LGR6: variants seen among roughly 807,000 people sequenced by gnomAD.
The protein encoded by LGR6 is leucine-rich repeat-containing G protein-coupled receptor 6.
In LGR6, 45 loss-of-function variants were observed where a neutral mutation model predicts 69.4. The observed-to-expected ratio is 0.65, with a 90% CI of 0.51 to 0.83. The LOEUF is 0.83. Ranked by LOEUF, LGR6 falls within the 40% of genes least tolerant of loss-of-function variation. The pLI, the probability that LGR6 is intolerant of heterozygous loss-of-function variation, is 0.00. For missense variants in LGR6, 1,108 were observed against 1,246.7 expected (o/e 0.89, Z 1.68); for synonymous variants, 538 against 555.0 (o/e 0.97, Z 0.43).
intron 6 of LGR6, among the ~76,000 whole-genome samples, chr1:202,288,282 A>G (rs767399070): frequency 2.6e-5 from 4 of 151,398 alleles, no homozygotes; most frequent in Non-Finnish European, 5.9e-5. Context: ...CATTCCCAGC[A>G]CTCTCCATTT....
chr1:202,301,028 A>G (rs1667548645), intron 8 of LGR6, 108 bp downstream of exon 8: 1 of 1,291,300 alleles, frequency 7.7e-7, no homozygotes, highest in Non-Finnish European at 1.1e-6. Context: ...GGGAGGCAGA[A>G]GTATGGGAGG....
intron 1 of LGR6, among the ~76,000 whole-genome samples, chr1:202,199,506 C>T (rs1045690800): frequency 3.9e-5 from 6 of 152,168 alleles, no homozygotes; most frequent in Non-Finnish European, 8.8e-5. Flanking sequence ...GGGGCGCGGC[C>T]GGGTGGGGCG....
intron 4 of LGR6, among the ~76,000 whole-genome samples, chr1:202,248,698 G>C (rs1471690028): frequency 1.3e-5 from 2 of 152,218 alleles, no homozygotes; most frequent in Non-Finnish European, 2.9e-5. Flanking sequence ...GGCCCTGGCA[G>C]CCCACAGAGA....
intron 1 of LGR6, among the ~76,000 whole-genome samples, chr1:202,217,470 A>AT (rs201200910): frequency 6.6e-6 from 1 of 150,836 alleles, no homozygotes; most frequent in Non-Finnish European, 1.5e-5. Flanking sequence ...AAAAACAAAA[A>AT]ACCCCACCTT....
intron 11 of LGR6, 25 bp from the exon 12 acceptor site, chr1:202,305,659 G>T (rs370111685): frequency 3.1e-6 from 5 of 1,609,668 alleles, no homozygotes; most frequent in Admixed American, 3.3e-5. Context: ...TTTCACCCCA[G>T]CCCTGGCCTT....
At chr1:202,282,751 A>C (rs1008648356) in intron 6 of LGR6, among the ~76,000 whole-genome samples, 2 of 152,222 alleles carry the variant, frequency 1.3e-5, no homozygotes, top group Non-Finnish European at 2.9e-5. Flanking sequence ...CACACTGCCT[A>C]ATTCTTTCTC....
rs1195600842 is a variant in LGR6 at position 202,194,167 on chromosome 1, G to C, written c.178G>C (p.Val60Leu). ...CTGCTCTGAGCTCGGGCTGTCCGCC[G>C]TTCCGGGGGACCTGGACCCCCTGAC... ...ADCSELGLSAVPGDLDPLTAY... is the reference protein window; with the variant it reads ...ADCSELGLSALPGDLDPLTAY... Residue 60 changes from valine (V) to leucine (L), a missense_variant, in exon 1 of 18, where the codon GTT (valine) becomes CTT (leucine). Coordinates refer to ENST00000367278, the MANE Select transcript of LGR6 (RefSeq NM_001017403.2). 1 of 1,569,648 alleles carries C rather than the reference G, an allele frequency of 6.4e-7. No homozygotes were observed.
intron 3 of LGR6, among the ~76,000 whole-genome samples, chr1:202,233,001 G>A (rs1661217780): frequency 6.6e-6 from 1 of 152,144 alleles, no homozygotes; most frequent in South Asian, 2.1e-4. Flanking sequence ...AGGGAAATGG[G>A]TCAGGGCCAA....
chr1:202,194,408 C>T lies in LGR6; in HGVS notation c.212+207C>T, dbSNP rs531334927. ...CCAGGCGAGCAGGGAGACCGGGCTTCCCTGACTTGGCTTCCCCATTGGCCT... is the reference window on the plus strand; with the variant it reads ...CCAGGCGAGCAGGGAGACCGGGCTTTCCTGACTTGGCTTCCCCATTGGCCT... On this transcript the variant is annotated intron_variant, in intron 1 of 17. Coordinates refer to ENST00000367278, the MANE Select transcript of LGR6 (RefSeq NM_001017403.2). 3.7e-5 allele frequency: 22 copies of T among 590,832 alleles called. No homozygotes were observed. In the South Asian group the frequency reaches 4.5e-4, roughly 12 times the overall value. The allele number at this position is 590,832 out of a possible 1,614,324, so 36.6% of individuals were successfully genotyped here.
chr1:202,297,237 G>A (rs1422651591), intron 6 of LGR6, among the ~76,000 whole-genome samples: 1 of 152,204 alleles, frequency 6.6e-6, no homozygotes, highest in Non-Finnish European at 1.5e-5. Context: ...GGTCTATTCT[G>A]AGGGAGATGG....
At chr1:202,204,642 AACAC>A (rs1347962664) in intron 1 of LGR6, among the ~76,000 whole-genome samples, 2 of 49,554 alleles carry the variant, frequency 4.0e-5, no homozygotes, top group Non-Finnish European at 3.9e-5. Flanking sequence ...CACACCTCCA[AACAC>A]ACACACACCT....
At chr1:202,284,736 C>T (rs983403265) in intron 6 of LGR6, among the ~76,000 whole-genome samples, 1 of 152,154 alleles carries the variant, frequency 6.6e-6, no homozygotes, top group South Asian at 2.1e-4. Flanking sequence ...AAAAAAAGGT[C>T]GAGCAAACAC....
intron 6 of LGR6, 82 bp downstream of exon 6, chr1:202,280,934 G>A: frequency 2.3e-6 from 3 of 1,312,618 alleles, no homozygotes; most frequent in Non-Finnish European, 3.2e-6. Context: ...GCACACAGAG[G>A]GAAGAGCCAG....
At chr1:202,314,524 C>T (rs1056805978) in intron 16 of LGR6, among the ~76,000 whole-genome samples, 1 of 152,196 alleles carries the variant, frequency 6.6e-6, no homozygotes, top group Non-Finnish European at 1.5e-5. Context: ...GTGGGTAAGG[C>T]TGACTGGAGA....
intron 14 of LGR6, among the ~76,000 whole-genome samples, chr1:202,307,754 G>A (rs1339292371): frequency 6.6e-6 from 1 of 152,222 alleles, no homozygotes; most frequent in African/African-American, 2.4e-5. Context: ...GGAAGTAGAT[G>A]TGGGAGCCAG....
chr1:202,215,011 G>GTT (rs1429415243), intron 1 of LGR6, among the ~76,000 whole-genome samples: 4 of 149,816 alleles, frequency 2.7e-5, no homozygotes, highest in African/African-American at 9.9e-5. Context: ...GTGTGTGTGT[G>GTT]TGTGTGTGTG....
chr1:202,276,883 A>G (rs753873873), intron 5 of LGR6, among the ~76,000 whole-genome samples: 3 of 152,360 alleles, frequency 2.0e-5, no homozygotes, highest in South Asian at 2.1e-4. Flanking sequence ...ATATTTGACA[A>G]TTAGATGATG....
At chr1:202,220,598 G>A (rs1660083447) in intron 1 of LGR6, among the ~76,000 whole-genome samples, 1 of 152,234 alleles carries the variant, frequency 6.6e-6, no homozygotes, top group African/African-American at 2.4e-5. Flanking sequence ...GAGATGGGAA[G>A]TGACATGACC....
At chr1:202,297,444 C>T (rs1667241776) in intron 6 of LGR6, 64 bp from the exon 7 acceptor site, 1 of 1,378,118 alleles carries the variant, frequency 7.3e-7, no homozygotes. Context: ...GTTTCCATTT[C>T]TCAGGGACCC....
Sources: allele counts gnomAD v4.1 joint callset (sites outside exome capture counted in the v4.1 genomes callset), GRCh38; gene constraint gnomAD v4.1.1; transcripts MANE v1.5; gene names NCBI Gene and HGNC (gene_info 2026-07-23, HGNC 2026-07-21).